The following SLC25A32 variants were observed in gnomAD, a reference collection of about 807,000 sequenced individuals.
The protein encoded by SLC25A32 is solute carrier family 25 member 32.
Under a neutral mutation model 39.0 loss-of-function variants are expected in SLC25A32, and 32 were observed. The observed-to-expected ratio is 0.82, with a 90% CI of 0.62 to 1.10. The LOEUF (loss-of-function observed/expected upper bound fraction) is 1.10. Among genes scored for constraint, SLC25A32 ranks in the 50% least tolerant of loss-of-function variants. The pLI, the probability that SLC25A32 is intolerant of heterozygous loss-of-function variation, is 0.00. For synonymous variants in SLC25A32, 166 were observed against 152.4 expected (o/e 1.09, Z -0.66); for missense variants, 367 against 395.3 (o/e 0.93, Z 0.61).
intron 1 of SLC25A32, among the ~76,000 whole-genome samples, chr8:103,414,030 G>T (rs934131217): frequency 3.9e-5 from 6 of 152,286 alleles, no homozygotes; most frequent in African/African-American, 4.8e-5. Flanking sequence ...AATATTAAGA[G>T]AATATAAATC....
Position 103,400,417 on chromosome 8 carries a change from TCTC to T in SLC25A32, c.939_941del (p.Arg314del). 1 of 1,614,128 alleles carries T rather than the reference TCTC, an allele frequency of 6.2e-7. No individual in the cohort carries two copies. The highest frequency in any genetic ancestry group is 8.5e-7 in the Non-Finnish European group (1 of 1,179,992). On this transcript the variant is annotated inframe_deletion, in exon 7 of 7. Coordinates refer to ENST00000297578, the MANE Select transcript of SLC25A32 (RefSeq NM_030780.5). ...GGAATTGTCCTCTTTGAGCTTACTT[TCTC>T]TTTTCTCTAAGGTCAAGTAAAAAAT...
In SLC25A32 at chr8:103,415,016, G is replaced by A. The variant is rs760825140; in HGVS notation, c.-79C>T. ...ATGCAGTGGCCGCCACCGTGGCGAC[G>A]GTCGCCCCTTGTGAGCGCAACCCCA... On this transcript the variant is annotated 5_prime_UTR_variant, in exon 1 of 7. Transcript: ENST00000297578. 3 of 1,590,362 alleles carry A rather than the reference G, an allele frequency of 1.9e-6. No individual in the cohort carries two copies. The highest frequency in any genetic ancestry group is 1.3e-5 in the African/African-American group (1 of 74,190).
intron 4 of SLC25A32, 61 bp from the exon 5 acceptor site, chr8:103,402,115 G>C (rs1266916349): frequency 9.3e-7 from 1 of 1,071,450 alleles, no homozygotes; most frequent in East Asian, 2.7e-5. Context: ...ATATATTTAA[G>C]TAAAATACTT....
Position 103,401,642 on chromosome 8 carries a change from GATAT to G in SLC25A32, c.682_685del (p.Ile228LeufsTer20). On this transcript the variant is annotated frameshift_variant, in exon 6 of 7. Transcript: ENST00000297578. LOFTEE classifies it high-confidence loss of function. ...AAATATTTTGGATAGTGCTGCAACA[GATAT>G]ATATTCTACTGTGCTCTAAAATGGC... 6.2e-7 allele frequency: 1 copy of G among 1,611,750 alleles called. No homozygotes were observed. Among genetic ancestry groups the G allele is most frequent in the African/African-American group, 1.3e-5 (1 of 74,962 alleles).
chr8:103,401,698 AG>A, intron 5 of SLC25A32, 37 bp from the exon 6 acceptor site: 1 of 1,520,804 alleles, frequency 6.6e-7, no homozygotes, highest in South Asian at 1.3e-5. Flanking sequence ...TTCTTTAGAC[AG>A]GATTTCTTTA....
In SLC25A32 at chr8:103,404,855, AT is replaced by A; in HGVS notation, c.311del (p.Asn104MetfsTer15). On this transcript the variant is annotated frameshift_variant, in exon 3 of 7. Coordinates refer to ENST00000297578, the MANE Select transcript of SLC25A32 (RefSeq NM_030780.5). LOFTEE classifies it high-confidence loss of function. ...LSWGLYFFFY[N>X]AIKSYKTEGR... is the part of the protein sequence containing the mutation. ...CTTCTGTTTTATATGACTTGATGGCATTGTAACTAAAAGAATTAAATGTGAG... is the reference window on the plus strand; with the variant it reads ...CTTCTGTTTTATATGACTTGATGGCATGTAACTAAAAGAATTAAATGTGAG... 1 of 1,606,598 alleles carries A rather than the reference AT, an allele frequency of 6.2e-7. No individual in the cohort carries two copies. The highest frequency in any genetic ancestry group is 8.5e-7 in the Non-Finnish European group (1 of 1,173,562).
intron 1 of SLC25A32, among the ~76,000 whole-genome samples, chr8:103,411,582 T>C (rs979973085): frequency 8.5e-5 from 13 of 152,230 alleles, no homozygotes; most frequent in African/African-American, 3.1e-4. Context: ...CCCTCTCTTC[T>C]GGCTCATTTA....
At chr8:103,400,609 TCTAA>T in intron 6 of SLC25A32, 63 bp from the exon 7 acceptor site, 1 of 1,549,604 alleles carries the variant, frequency 6.5e-7, no homozygotes, top group Non-Finnish European at 8.8e-7. Flanking sequence ...ACACGGAAGT[TCTAA>T]CTGACACAAG....
Position 103,400,192 on chromosome 8 carries a change from C to T in SLC25A32, c.*219G>A. 1.8e-6 allele frequency: 1 copy of T among 542,130 alleles called. No homozygotes were observed. The highest frequency in any genetic ancestry group is 3.2e-6 in the Non-Finnish European group (1 of 309,134). 33.6% of individuals were successfully genotyped at this position (542,130 alleles called of 1,614,324 possible). A position where few individuals can be genotyped will look rare whatever the true frequency, so the allele number is the denominator to read the frequency against. On this transcript the variant is annotated 3_prime_UTR_variant, in exon 7 of 7. Transcript: ENST00000297578. ...GTCAGTTTTAACATTGTGTTGATGG[C>T]AGCCATTTCAGGCAGAGGTAGCCAA...
intron 1 of SLC25A32, among the ~76,000 whole-genome samples, chr8:103,410,902 G>A (rs1355493989): frequency 6.6e-6 from 1 of 152,054 alleles, no homozygotes; most frequent in African/African-American, 2.4e-5. Context: ...TGTTTCATTT[G>A]CTGGATGTTA....
chr8:103,403,071 T>C, intron 4 of SLC25A32, 93 bp downstream of exon 4: 2 of 812,286 alleles, frequency 2.5e-6, no homozygotes, highest in Admixed American at 3.1e-5. Flanking sequence ...GGCTTCTTTT[T>C]AGGACTTACT....
At position 103,414,971 on chromosome 8, in the gene SLC25A32, G is replaced by C; in HGVS notation, c.-34C>G. The C allele has an allele frequency of 6.3e-7, 1 of 1,582,168 alleles. No homozygotes were observed. On this transcript the variant is annotated 5_prime_UTR_variant, in exon 1 of 7. Transcript: ENST00000297578. Reference sequence around the variant, plus strand: ...GGCCCGTCGACACCACGGCGCCCAGGGCCGCGGAGGTGGGACGCGATGCAG... The same window carrying C: ...GGCCCGTCGACACCACGGCGCCCAGCGCCGCGGAGGTGGGACGCGATGCAG...
chr8:103,403,985 T>C (rs1816274498), intron 3 of SLC25A32, among the ~76,000 whole-genome samples: 1 of 152,206 alleles, frequency 6.6e-6, no homozygotes, highest in Admixed American at 6.5e-5. Flanking sequence ...CTCAGGTTTT[T>C]GCTAGTGGCT....
chr8:103,400,194 G>T lies in SLC25A32; in HGVS notation c.*217C>A. 1 of 545,668 alleles carries T rather than the reference G, an allele frequency of 1.8e-6. No individual in the cohort carries two copies. Among genetic ancestry groups the T allele is most frequent in the Non-Finnish European group, 3.2e-6 (1 of 311,434 alleles). 33.8% of individuals were successfully genotyped at this position (545,668 alleles called of 1,614,324 possible). On this transcript the variant is annotated 3_prime_UTR_variant, in exon 7 of 7. Transcript: ENST00000297578. Reference sequence around the variant, plus strand: ...CAGTTTTAACATTGTGTTGATGGCAGCCATTTCAGGCAGAGGTAGCCAAGT... The same window carrying T: ...CAGTTTTAACATTGTGTTGATGGCATCCATTTCAGGCAGAGGTAGCCAAGT...
chr8:103,402,014 A>G lies in SLC25A32; in HGVS notation c.593T>C (p.Leu198Pro), dbSNP rs757326114. Residue 198 changes from leucine to proline, a missense_variant, in exon 5 of 7, where the codon CTT (leucine) becomes CCT (proline). Physicochemically the swap from Leu to Pro is moderately conservative, Grantham distance 98 (BLOSUM62 -3). Coordinates refer to ENST00000297578, the MANE Select transcript of SLC25A32 (RefSeq NM_030780.5). Reference protein sequence around the residue: ...PGLFGTSHGALQFMAYELLKL... With the variant: ...PGLFGTSHGAPQFMAYELLKL... ...CAGCAATTCATATGCCATAAACTGA[A>G]GGGCACCATGCGATGTTCCAAACAG... The G allele has an allele frequency of 1.2e-6, 2 of 1,613,162 alleles. No individual in the cohort carries two copies. The highest frequency in any genetic ancestry group is 1.7e-6 in the Non-Finnish European group (2 of 1,179,566).
chr8:103,415,078 C>A lies in SLC25A32; in HGVS notation c.-141G>T, dbSNP rs753905788. On this transcript the variant is annotated 5_prime_UTR_variant, in exon 1 of 7. Coordinates refer to ENST00000297578, the MANE Select transcript of SLC25A32 (RefSeq NM_030780.5). The stretch of plus-strand genomic sequence containing the variant: ...AACGAGAGGACTCTTATGCCCAAGG[C>A]GCGTGAGCGAAGCCGGAGACTCTAG... 2.7e-5 allele frequency: 43 copies of A among 1,609,110 alleles called. 1 individual carries two copies. In the South Asian group the frequency reaches 4.7e-4, roughly 18 times the overall value.
intron 3 of SLC25A32, among the ~76,000 whole-genome samples, chr8:103,404,172 C>G (rs994770492): frequency 5.9e-5 from 9 of 152,156 alleles, no homozygotes; most frequent in Admixed American, 4.6e-4. Flanking sequence ...TAAAATTATA[C>G]TTTAAAGAAA....
Position 103,402,059 on chromosome 8 carries a change from A to T in SLC25A32, c.553-5T>A. On this transcript the variant is annotated splice_polypyrimidine_tract_variant and splice_region_variant and intron_variant, in intron 4 of 6. Transcript: ENST00000297578. ...AAACAGCCCAGGAACAAATCCCTAC[A>T]AGGGAATGATTTTTAAAAAGCAAAA... is the stretch of plus-strand genomic sequence containing the variant. The T allele has an allele frequency of 6.3e-7, 1 of 1,584,650 alleles. No individual in the cohort carries two copies. The highest frequency in any genetic ancestry group is 8.6e-7 in the Non-Finnish European group (1 of 1,164,230).
In SLC25A32 at chr8:103,414,951, G is replaced by A. The variant is rs745653877; in HGVS notation, c.-14C>T. ...CTGGCCCGTCATAGGCTCGGGGCCC[G>A]TCGACACCACGGCGCCCAGGGCCGC... On this transcript the variant is annotated 5_prime_UTR_variant, in exon 1 of 7. It adds an upstream start codon to the 5' untranslated region. Transcript: ENST00000297578. The A allele has an allele frequency of 3.5e-5, 56 of 1,593,882 alleles. No homozygotes were observed. Among genetic ancestry groups the A allele is most frequent in the Non-Finnish European group, 4.5e-5 (53 of 1,170,646 alleles).
Sources: allele counts gnomAD v4.1 joint callset (sites outside exome capture counted in the v4.1 genomes callset), GRCh38; gene constraint gnomAD v4.1.1; transcripts MANE v1.5; gene names NCBI Gene and HGNC (gene_info 2026-07-23, HGNC 2026-07-21).